Variants in NRXN3 observed in about 807,000 individuals in gnomAD.
The protein encoded by NRXN3 is neurexin 3.
Under a neutral mutation model 137.6 loss-of-function variants are expected in NRXN3, and 32 were observed. That is an observed-to-expected ratio of 0.23 (90% CI 0.18 to 0.31). The LOEUF (loss-of-function observed/expected upper bound fraction) is 0.31, where lower values mean the gene tolerates loss of function less well. Ranked by LOEUF, NRXN3 falls within the 10% of genes least tolerant of loss-of-function variation. The pLI is 1.00. For missense variants in NRXN3, 1,574 were observed against 2,062.5 expected (o/e 0.76, Z 4.59); for synonymous variants, 798 against 784.5 (o/e 1.02, Z -0.29).
At chr14:78,250,100 G>T (rs373858791) in intron 2 of NRXN3, 3 of 516,736 alleles carry the variant, frequency 5.8e-6, no homozygotes. Flanking sequence ...TTTTGGATAA[G>T]GAAGCTCGGG....
intron 4 of NRXN3, among the ~76,000 whole-genome samples, chr14:78,543,396 T>C (rs1299048560): frequency 7.0e-6 from 1 of 143,070 alleles, no homozygotes; most frequent in Non-Finnish European, 1.6e-5. Flanking sequence ...CTGCTTCAGC[T>C]TGATGTCCAA....
At chr14:79,368,978 T>A (rs961466214) in intron 15 of NRXN3, among the ~76,000 whole-genome samples, 5 of 152,210 alleles carry the variant, frequency 3.3e-5, no homozygotes, top group African/African-American at 9.7e-5. Context: ...ACATTCAAAC[T>A]ATCAGGTATG....
rs1417904596 is a variant in NRXN3, at chr14:79,786,656, CCTGCATGCAT to C, written c.4015-18455_4015-18446del. On this transcript the variant is annotated intron_variant, in intron 19 of 20. Coordinates refer to ENST00000335750, the MANE Select transcript of NRXN3 (RefSeq NM_001330195.2). ...ACTAGCACTATTTAAATCCTATCCC[CCTGCATGCAT>C]TAATGTGTGCGTCGAAGGGAAGAAG... 5.3e-5 allele frequency among the ~76,000 whole-genome samples: 8 copies of C among 152,258 alleles called. No homozygotes were observed. The South Asian group carries it at 1.5e-3, about 28-fold the overall frequency.
At chr14:78,196,391 G>A (rs1213716159) in intron 1 of NRXN3, among the ~76,000 whole-genome samples, 1 of 152,210 alleles carries the variant, frequency 6.6e-6, no homozygotes, top group Admixed American at 6.5e-5. Flanking sequence ...AAAATAATGA[G>A]GTGAGTTTGG....
intron 15 of NRXN3, among the ~76,000 whole-genome samples, chr14:79,055,596 G>A (rs1286109989): frequency 6.6e-6 from 1 of 152,094 alleles, no homozygotes; most frequent in East Asian, 1.9e-4. Context: ...TGACAGGCTT[G>A]AAAAATTACA....
Position 79,861,179 on chromosome 14 carries a change from A to G in NRXN3, c.4094-163A>G. 2 of 1,526,926 alleles carry G rather than the reference A, an allele frequency of 1.3e-6. No individual in the cohort carries two copies. Among genetic ancestry groups the G allele is most frequent in the Non-Finnish European group, 1.8e-6 (2 of 1,142,722 alleles). 94.6% of individuals were successfully genotyped at this position (1,526,926 alleles called of 1,614,324 possible). A position where few individuals can be genotyped will look rare whatever the true frequency, so the allele number is the denominator to read the frequency against. On this transcript the variant is annotated intron_variant, in intron 20 of 20. Transcript: ENST00000335750. The surrounding 1 kb of genome is among the most constrained non-coding windows in gnomAD (Gnocchi z 5.4). ...TGAGACCACCAAAGATTCCCTGTCC[A>G]TGACCTCTGAGGCGGGGTTACCTTG...
intron 15 of NRXN3, among the ~76,000 whole-genome samples, chr14:79,222,595 G>A (rs1225760838): frequency 2.0e-5 from 3 of 152,100 alleles, no homozygotes; most frequent in Admixed American, 1.3e-4. Flanking sequence ...TTGTAAGAAG[G>A]TGCCAAACTG....
At chr14:79,620,451 G>A (rs980724501) in intron 16 of NRXN3, among the ~76,000 whole-genome samples, 2 of 152,100 alleles carry the variant, frequency 1.3e-5, no homozygotes, top group African/African-American at 4.8e-5. Flanking sequence ...AATAGGGTGA[G>A]TGTGAAGGGA....
intron 2 of NRXN3, among the ~76,000 whole-genome samples, chr14:78,255,646 C>A (rs919790132): frequency 1.3e-5 from 2 of 152,186 alleles, no homozygotes; most frequent in African/African-American, 4.8e-5. Flanking sequence ...TCTTTAGGAA[C>A]TGTAAGACGT....
intron 4 of NRXN3, among the ~76,000 whole-genome samples, chr14:78,628,771 G>A (rs1335524644): frequency 3.3e-5 from 5 of 152,182 alleles, no homozygotes; most frequent in African/African-American, 9.7e-5. Flanking sequence ...GAGAACCCTC[G>A]GGAAAGAACC....
At chr14:78,988,524 C>T (rs904446220) in intron 15 of NRXN3, among the ~76,000 whole-genome samples, 1 of 152,176 alleles carries the variant, frequency 6.6e-6, no homozygotes, top group East Asian at 1.9e-4. Context: ...AGACTCTCCC[C>T]TTTTGCATTG....
chr14:79,165,130 G>A (rs1402871836), intron 15 of NRXN3, among the ~76,000 whole-genome samples: 1 of 151,940 alleles, frequency 6.6e-6, no homozygotes, highest in Non-Finnish European at 1.5e-5. Flanking sequence ...AATGGTTATT[G>A]CCTAGTAAGA....
intron 15 of NRXN3, among the ~76,000 whole-genome samples, chr14:79,380,109 G>A (rs912901661): frequency 1.5e-4 from 23 of 149,462 alleles, no homozygotes; most frequent in Admixed American, 4.7e-4. Flanking sequence ...GGAAACACCG[G>A]TGCACTGGGC....
intron 4 of NRXN3, among the ~76,000 whole-genome samples, chr14:78,622,668 T>C (rs1283923575): frequency 6.6e-6 from 1 of 152,266 alleles, no homozygotes; most frequent in East Asian, 1.9e-4. Flanking sequence ...AGAGCACCTC[T>C]GTGAGTGCAG....
At chr14:78,954,254 T>C (rs528516426) in intron 10 of NRXN3, among the ~76,000 whole-genome samples, 53 of 152,346 alleles carry the variant, frequency 3.5e-4, no homozygotes, top group Admixed American at 1.1e-3. Flanking sequence ...TAAGGATAAA[T>C]GCCATTGACT....
intron 16 of NRXN3, among the ~76,000 whole-genome samples, chr14:79,483,532 C>A (rs1249807380): frequency 6.6e-6 from 1 of 152,040 alleles, no homozygotes; most frequent in African/African-American, 2.4e-5. Flanking sequence ...TGGTATAAAC[C>A]CTAACTCTAG....
chr14:78,603,843 G>A (rs2097221951), intron 4 of NRXN3, among the ~76,000 whole-genome samples: 1 of 152,130 alleles, frequency 6.6e-6, no homozygotes, highest in Non-Finnish European at 1.5e-5. Flanking sequence ...AAATGAAGTT[G>A]TTGGCACCGA....
intron 10 of NRXN3, among the ~76,000 whole-genome samples, chr14:78,810,942 C>A (rs576970037): frequency 6.6e-6 from 1 of 152,266 alleles, no homozygotes; most frequent in South Asian, 2.1e-4. Flanking sequence ...CATTCAGATA[C>A]CCTAGTTCTT....
intron 4 of NRXN3, among the ~76,000 whole-genome samples, chr14:78,523,816 C>CAAAAAAAAAAAAAAAAAAAAAAAA (rs56083130): frequency 2.1e-4 from 13 of 61,574 alleles, no homozygotes; most frequent in South Asian, 6.8e-4. Flanking sequence ...GACTCTGTCT[C>CAAAAAAAAAAAAAAAAAAAAAAAA]AAAAAAAAAA....
Sources: gnomAD v4.1 joint callset for allele counts (sites outside exome capture counted in the v4.1 genomes callset) on GRCh38, gnomAD v4.1.1 for gene constraint, Gnocchi (gnomAD v3.1) non-coding constraint, MANE v1.5 for transcripts, NCBI Gene and HGNC (gene_info 2026-07-23, HGNC 2026-07-21) for gene names.